The following MX1 variants were observed in gnomAD, a reference collection of about 807,000 sequenced individuals.
MX1 encodes the protein interferon-induced GTP-binding protein Mx1.
In MX1, 66 loss-of-function variants were observed where a neutral mutation model predicts 66.4. The ratio of observed to expected loss-of-function variants is 0.99; its 90% CI spans 0.82 to 1.22. The LOEUF is 1.22. Among genes scored for constraint, MX1 ranks in the 50% most tolerant of loss-of-function variants. The pLI, the probability that MX1 is intolerant of heterozygous loss-of-function variation, is 0.00. For missense variants in MX1, 787 were observed against 834.3 expected (o/e 0.94, Z 0.70); for synonymous variants, 311 against 318.1 (o/e 0.98, Z 0.24).
intron 16 of MX1, among the ~76,000 whole-genome samples, chr21:41,457,387 TC>T (rs1360622068): frequency 1.3e-5 from 2 of 152,368 alleles, no homozygotes; most frequent in African/African-American, 4.8e-5. Context: ...GGACTTTGTC[TC>T]CCTGAGATGA....
intron 7 of MX1, 53 bp from the exon 8 acceptor site, chr21:41,439,641 A>G (rs752157687): frequency 1.9e-6 from 3 of 1,553,312 alleles, no homozygotes; most frequent in Non-Finnish European, 2.7e-6. Context: ...CCATCATGAG[A>G]TCCGTTTATC....
chr21:41,456,606 C>T (rs1312097412), intron 16 of MX1, among the ~76,000 whole-genome samples: 1 of 152,196 alleles, frequency 6.6e-6, no homozygotes, highest in African/African-American at 2.4e-5. Flanking sequence ...GATGGAATCA[C>T]TGGGGACTCG....
intron 14 of MX1, 111 bp downstream of exon 14, chr21:41,449,406 C>G (rs935712650): frequency 1.9e-6 from 2 of 1,061,302 alleles, no homozygotes; most frequent in African/African-American, 3.2e-5. Flanking sequence ...CCCACACCAA[C>G]GAGCAAACCT....
chr21:41,456,053 C>A (rs957297776), intron 16 of MX1, among the ~76,000 whole-genome samples: 1 of 152,148 alleles, frequency 6.6e-6, no homozygotes, highest in African/African-American at 2.4e-5. Flanking sequence ...ACCAGCCTGG[C>A]CAACATGGCG....
At position 41,449,296 on chromosome 21, in the gene MX1, G is replaced by GT. The variant is rs1280443400; in HGVS notation, c.1432+2dup. 6.2e-7 allele frequency: 1 copy of GT among 1,608,192 alleles called. No individual in the cohort carries two copies. On this transcript the variant is annotated splice_donor_variant, in intron 14 of 16. Transcript: ENST00000398598. LOFTEE classifies it high-confidence loss of function. ...GTGGATATGCTACACACCGTGACGGGTGAGTGCTCAGTTTCACCTCTGAGC... is the reference window on the plus strand; with the variant it reads ...GTGGATATGCTACACACCGTGACGGGTTGAGTGCTCAGTTTCACCTCTGAGC...
intron 5 of MX1, among the ~76,000 whole-genome samples, chr21:41,435,603 G>C (rs188810351): frequency 3.7e-4 from 57 of 152,294 alleles, no homozygotes; most frequent in Non-Finnish European, 5.4e-4. Context: ...ACTGAAGGAG[G>C]AACTTGCCAA....
At chr21:41,452,560 T>C (rs1307625258) in intron 15 of MX1, 61 bp from the exon 16 acceptor site, 7 of 1,542,992 alleles carry the variant, frequency 4.5e-6, no homozygotes, top group Non-Finnish European at 6.1e-6. Context: ...CTTACCTACT[T>C]TCCTGTGACT....
At chr21:41,430,768 T>C (rs908901870) in intron 4 of MX1, among the ~76,000 whole-genome samples, 160 bp downstream of exon 4, 28 of 152,222 alleles carry the variant, frequency 1.8e-4, no homozygotes, top group Admixed American at 7.8e-4. Flanking sequence ...TACGTGTGTA[T>C]TTGTAATGCA....
rs889361896 is a variant in MX1, at chr21:41,441,804, G to A, written c.819G>A (p.Lys273=). ...VVRNLVFHLK[K]GYMIVKCRGQ... ...GGAACCTCGTGTTCCACCTGAAGAA[G>A]GGTTACATGATTGTCAAGTGCCGGG... The change falls in exon 10 of 17, where the codon AAG becomes AAA. Residue 273 remains lysine, a synonymous_variant. Coordinates refer to ENST00000398598, the MANE Select transcript of MX1 (RefSeq NM_002462.5). The surrounding 1 kb of genome is among the most constrained non-coding windows in gnomAD (Gnocchi z 4.0). 2.5e-6 allele frequency: 4 copies of A among 1,614,214 alleles called. No homozygotes were observed. The highest frequency in any genetic ancestry group is 3.4e-6 in the Non-Finnish European group (4 of 1,180,046).
chr21:41,436,877 A>G, intron 6 of MX1, 138 bp from the exon 7 acceptor site: 3 of 1,007,990 alleles, frequency 3.0e-6, no homozygotes, highest in Non-Finnish European at 4.3e-6. Flanking sequence ...CCCGCATATC[A>G]GAGGGTAAGA....
chr21:41,450,253 G>A (rs907997015), intron 14 of MX1, among the ~76,000 whole-genome samples: 5 of 152,158 alleles, frequency 3.3e-5, no homozygotes, highest in South Asian at 2.1e-4. Flanking sequence ...GGTGTGTCAC[G>A]GATAGGTAGG....
chr21:41,428,496 C>T (rs1233807942), intron 3 of MX1: 1 of 152,254 alleles, frequency 6.6e-6, no homozygotes, highest in Non-Finnish European at 1.5e-5. Context: ...ATCTGTTCCT[C>T]CAGGGACCTC....
chr21:41,449,201 A>G lies in MX1; in HGVS notation c.1338A>G (p.Pro446=), dbSNP rs2090755103. The G allele has an allele frequency of 6.2e-7, 1 of 1,614,006 alleles. No individual in the cohort carries two copies. The highest frequency in any genetic ancestry group is 8.5e-7 in the Non-Finnish European group (1 of 1,180,026). Residue 446 remains proline, a synonymous_variant, in exon 14 of 17, where the codon CCA becomes CCG. Coordinates refer to ENST00000398598, the MANE Select transcript of MX1 (RefSeq NM_002462.5). ...FENQYRGREL[P]GFVNYRTFET... is the part of the protein sequence containing the mutation. ...ATCAGTATCGTGGTAGAGAGCTGCCAGGCTTTGTGAATTACAGGACATTTG... is the reference window on the plus strand; with the variant it reads ...ATCAGTATCGTGGTAGAGAGCTGCCGGGCTTTGTGAATTACAGGACATTTG...
At chr21:41,443,472 A>C in intron 10 of MX1, 1 of 316,860 alleles carries the variant, frequency 3.2e-6, no homozygotes, top group Admixed American at 4.5e-5. Flanking sequence ...AGAAGGGGGT[A>C]TGTGTTATAA....
At chr21:41,442,280 T>A (rs1160166186) in intron 10 of MX1, among the ~76,000 whole-genome samples, 1 of 152,174 alleles carries the variant, frequency 6.6e-6, no homozygotes, top group East Asian at 1.9e-4. Context: ...TATATATATT[T>A]GACACATGAT....
intron 16 of MX1, among the ~76,000 whole-genome samples, chr21:41,455,512 G>A (rs868677335): frequency 7.9e-5 from 12 of 152,356 alleles, no homozygotes; most frequent in Middle Eastern, 3.4e-3. Flanking sequence ...AGGAGTCTCC[G>A]AGCCAAGCAG....
chr21:41,435,707 C>T, intron 5 of MX1, 130 bp from the exon 6 acceptor site: 1 of 1,020,314 alleles, frequency 9.8e-7, no homozygotes, highest in Non-Finnish European at 1.4e-6. Flanking sequence ...TCCACCTGGT[C>T]TCTCCCTTGA....
intron 16 of MX1, among the ~76,000 whole-genome samples, 180 bp downstream of exon 16, chr21:41,453,049 C>T (rs2090874283): frequency 2.0e-5 from 3 of 152,120 alleles, no homozygotes; most frequent in Admixed American, 6.5e-5. Flanking sequence ...TGAGACTGGG[C>T]AATTTACAAA....
At chr21:41,436,593 A>C (rs1270737405) in intron 6 of MX1, among the ~76,000 whole-genome samples, 2 of 152,194 alleles carry the variant, frequency 1.3e-5, no homozygotes, top group African/African-American at 4.8e-5. Flanking sequence ...ATATGGAAGG[A>C]GTTTACAGTA....
Sources: gnomAD v4.1 joint callset for allele counts (sites outside exome capture counted in the v4.1 genomes callset) on GRCh38, gnomAD v4.1.1 for gene constraint, Gnocchi (gnomAD v3.1) non-coding constraint, MANE v1.5 for transcripts, NCBI Gene and HGNC (gene_info 2026-07-23, HGNC 2026-07-21) for gene names.